TENM4: variants seen among roughly 807,000 people sequenced by gnomAD.
TENM4 encodes the protein teneurin-4.
A neutral mutation model predicts 243.3 loss-of-function variants in TENM4; 82 were observed. That is an observed-to-expected ratio of 0.34 (90% confidence interval 0.28 to 0.40). The LOEUF is 0.40. TENM4 is among the 10% of genes least tolerant of loss of function. The probability of loss-of-function intolerance (pLI) is 1.00; values close to 1 mark genes in which losing one functional copy is unlikely to be tolerated. For synonymous variants in TENM4, 1,412 were observed against 1,456.3 expected (o/e 0.97, Z 0.69); for missense variants, 3,138 against 3,673.3 (o/e 0.85, Z 3.77).
At chr11:79,293,797 C>G (rs1183668631) in intron 2 of TENM4, among the ~76,000 whole-genome samples, 1 of 152,206 alleles carries the variant, frequency 6.6e-6, no homozygotes, top group Non-Finnish European at 1.5e-5. Flanking sequence ...CGTTCTGAGC[C>G]AATGACTGCA....
intron 1 of TENM4, among the ~76,000 whole-genome samples, chr11:79,353,647 G>T (rs1182706357): frequency 1.3e-5 from 2 of 151,478 alleles, no homozygotes; most frequent in African/African-American, 4.9e-5. Context: ...AATCAGAAAA[G>T]CTGTAAAAAT....
chr11:79,395,865 GA>G (rs1327231188), intron 1 of TENM4, among the ~76,000 whole-genome samples: 1 of 152,172 alleles, frequency 6.6e-6, no homozygotes, highest in Non-Finnish European at 1.5e-5. Flanking sequence ...AGGATACAGA[GA>G]TAAGTAAGAC....
chr11:79,203,659 G>T (rs988351204), intron 3 of TENM4, among the ~76,000 whole-genome samples: 1 of 152,146 alleles, frequency 6.6e-6, no homozygotes, highest in Admixed American at 6.5e-5. Context: ...CCCCCTGCAG[G>T]TATCCAAATC....
intron 15 of TENM4, among the ~76,000 whole-genome samples, chr11:78,790,084 G>C (rs1252935581): frequency 6.6e-6 from 1 of 152,172 alleles, no homozygotes; most frequent in Non-Finnish European, 1.5e-5. Flanking sequence ...ATATGCCAGA[G>C]ACTGTACCTG....
intron 12 of TENM4, among the ~76,000 whole-genome samples, chr11:78,835,300 G>A (rs1209584145): frequency 6.6e-6 from 1 of 152,174 alleles, no homozygotes; most frequent in Non-Finnish European, 1.5e-5. Flanking sequence ...AAGGTCAAGA[G>A]ATCGAGACCA....
chr11:79,085,387 A>AG (rs1565197277), intron 4 of TENM4, among the ~76,000 whole-genome samples: 4 of 74,234 alleles, frequency 5.4e-5, no homozygotes, highest in Admixed American at 1.5e-4. Flanking sequence ...AAAAAAAAAA[A>AG]AGGGGGGTTT....
At chr11:79,063,866 T>C (rs1860166276) in intron 6 of TENM4, among the ~76,000 whole-genome samples, 1 of 152,250 alleles carries the variant, frequency 6.6e-6, no homozygotes, top group Admixed American at 6.5e-5. Context: ...GAATAATGAG[T>C]GTGCAGCTGG....
At chr11:78,690,757 G>A (rs375960868) in intron 28 of TENM4, among the ~76,000 whole-genome samples, 4 of 152,098 alleles carry the variant, frequency 2.6e-5, no homozygotes, top group Non-Finnish European at 4.4e-5. Flanking sequence ...AGCTGGGTCC[G>A]GTCAGATCCT....
chr11:79,063,046 T>G (rs892858), intron 6 of TENM4, among the ~76,000 whole-genome samples: 124,808 of 152,132 alleles, frequency 0.82, 52,319 homozygotes, highest in Middle Eastern at 0.95. Flanking sequence ...ACCCAAGCAA[T>G]TGCCACCCTC....
intron 2 of TENM4, among the ~76,000 whole-genome samples, chr11:79,229,272 G>A (rs907220495): frequency 1.3e-5 from 2 of 152,180 alleles, no homozygotes; most frequent in African/African-American, 2.4e-5. Context: ...CAGCATCTAC[G>A]CAGTCTCTGC....
intron 1 of TENM4, among the ~76,000 whole-genome samples, chr11:79,424,001 T>C (rs187496109): frequency 1.3e-4 from 20 of 152,236 alleles, no homozygotes; most frequent in African/African-American, 4.6e-4. Flanking sequence ...GGTAGAAGCT[T>C]GATTAATGCT....
At chr11:79,081,955 G>C (rs1860686736) in intron 4 of TENM4, among the ~76,000 whole-genome samples, 1 of 152,052 alleles carries the variant, frequency 6.6e-6, no homozygotes, top group African/African-American at 2.4e-5. Context: ...AGAGCAGGTG[G>C]GTTGTCCTTG....
At position 78,712,695 on chromosome 11, in the gene TENM4, A is replaced by T. The variant is rs775145562; in HGVS notation, c.3841T>A (p.Tyr1281Asn). 12 of 1,614,006 alleles carry T rather than the reference A, an allele frequency of 7.4e-6. No individual in the cohort carries two copies. The highest frequency in any genetic ancestry group is 1.0e-5 in the Non-Finnish European group (12 of 1,179,884). Residue 1281 changes from tyrosine to asparagine, a missense_variant, in exon 26 of 34, where the codon TAC (tyrosine) becomes AAC (asparagine). Physicochemically the swap from Tyr to Asn is moderately radical, Grantham distance 143. Around this residue, in one of 2 missense-constraint regions of TENM4, gnomAD observed 2,467 missense variants for 3,059.1 expected, o/e 0.81. Coordinates refer to ENST00000278550, the MANE Select transcript of TENM4 (RefSeq NM_001098816.3). ...FRHSHSPAHK[Y>N]YLATDPMSGA... ...CTCATGGGGTCTGTGGCCAGGTAGT[A>T]TTTGTGTGCTGGACTGTGACTAGAA...
At chr11:79,066,532 TTAGG>T (rs756598586) in intron 5 of TENM4, among the ~76,000 whole-genome samples, 25 of 152,204 alleles carry the variant, frequency 1.6e-4, no homozygotes, top group South Asian at 2.1e-4. Context: ...CCTGTAAAAG[TTAGG>T]TAACCACACA....
chr11:79,113,319 T>C lies in TENM4; in HGVS notation c.-66+35391A>G, dbSNP rs76980221. On this transcript the variant is annotated intron_variant, in intron 4 of 33. Coordinates refer to ENST00000278550, the MANE Select transcript of TENM4 (RefSeq NM_001098816.3). ...CCACGGAGGGAAAGCATGAAGAAAA[T>C]TCATATCCTTCATATCCTGAATCTC... Among the ~76,000 whole-genome samples the C allele has an allele frequency of 3.4e-4, 52 of 151,302 alleles. No individual in the cohort carries two copies. In the East Asian group the frequency reaches 8.2e-3, roughly 24 times the overall value.
At chr11:78,810,728 C>T (rs1173049260) in intron 14 of TENM4, among the ~76,000 whole-genome samples, 1 of 152,128 alleles carries the variant, frequency 6.6e-6, no homozygotes, top group Non-Finnish European at 1.5e-5. Context: ...CTTCTTGTTC[C>T]CCACTCTTTG....
chr11:78,770,289 G>C (rs1856620882), intron 18 of TENM4, among the ~76,000 whole-genome samples: 1 of 152,190 alleles, frequency 6.6e-6, no homozygotes, highest in African/African-American at 2.4e-5. Flanking sequence ...GGACTGAAAT[G>C]GTACTCATGG....
chr11:79,009,460 G>A (rs1858584598), intron 6 of TENM4, among the ~76,000 whole-genome samples: 1 of 152,112 alleles, frequency 6.6e-6, no homozygotes, highest in South Asian at 2.1e-4. Flanking sequence ...CAGCCTACCT[G>A]GAAATAAAAC....
At chr11:79,286,969 T>C (rs577616429) in intron 2 of TENM4, among the ~76,000 whole-genome samples, 28 of 152,346 alleles carry the variant, frequency 1.8e-4, no homozygotes, top group African/African-American at 6.3e-4. Context: ...GCTGTCTGCA[T>C]AGACCACATA....
Sources: gnomAD v4.1 joint callset for allele counts (sites outside exome capture counted in the v4.1 genomes callset) on GRCh38, gnomAD v4.1.1 for gene constraint, gnomAD v4.1.1 regional missense constraint, MANE v1.5 for transcripts, NCBI Gene and HGNC (gene_info 2026-07-23, HGNC 2026-07-21) for gene names.